IGF1R: variants seen among roughly 807,000 people sequenced by gnomAD.
IGF1R encodes the protein insulin-like growth factor 1 receptor.
A neutral mutation model predicts 144.6 loss-of-function variants in IGF1R; 44 were observed. That is an observed-to-expected ratio of 0.30 (90% CI 0.24 to 0.39). The LOEUF (loss-of-function observed/expected upper bound fraction) is 0.39, where lower values mean the gene tolerates loss of function less well. IGF1R is among the 10% of genes least tolerant of loss of function. The probability of loss-of-function intolerance (pLI) is 1.00; values close to 1 mark genes in which losing one functional copy is unlikely to be tolerated. For synonymous variants in IGF1R, 795 were observed against 722.8 expected (o/e 1.10, Z -1.60); for missense variants, 1,355 against 1,833.7 (o/e 0.74, Z 4.77).
In IGF1R at chr15:98,771,197, C is replaced by T. The variant is rs907617296; in HGVS notation, c.640+63090C>T. Among the ~76,000 whole-genome samples the T allele has an allele frequency of 3.9e-5, 6 of 152,298 alleles. No individual in the cohort carries two copies. In the South Asian group the frequency reaches 6.2e-4, roughly 16 times the overall value. ...ATTCATCCCTCCATCCAAGCACCCA[C>T]GTGGAGCTCAGAAAGATGACTAACA... is the stretch of plus-strand genomic sequence containing the variant. On this transcript the variant is annotated intron_variant, in intron 2 of 20. Transcript: ENST00000650285.
intron 2 of IGF1R, among the ~76,000 whole-genome samples, chr15:98,878,230 C>T (rs1315969559): frequency 2.6e-5 from 4 of 152,346 alleles, no homozygotes; most frequent in Non-Finnish European, 5.9e-5. Context: ...AAAACAGTCC[C>T]CAGTTTGTCC....
intron 2 of IGF1R, among the ~76,000 whole-genome samples, chr15:98,760,548 A>C (rs1460034791): frequency 1.3e-5 from 2 of 152,210 alleles, no homozygotes; most frequent in Non-Finnish European, 2.9e-5. Flanking sequence ...CATTTTGACC[A>C]TTTACATGGG....
intron 2 of IGF1R, among the ~76,000 whole-genome samples, chr15:98,754,336 T>C (rs1567111851): frequency 6.6e-6 from 1 of 152,226 alleles, no homozygotes; most frequent in Non-Finnish European, 1.5e-5. Flanking sequence ...TGCTTCCTTT[T>C]TGTCCTTTTC....
intron 2 of IGF1R, among the ~76,000 whole-genome samples, chr15:98,744,780 G>A (rs1260875051): frequency 6.7e-6 from 1 of 149,554 alleles, no homozygotes; most frequent in East Asian, 1.9e-4. Flanking sequence ...TTTTTCTTTT[G>A]GCGTTTGTGA....
intron 2 of IGF1R, among the ~76,000 whole-genome samples, chr15:98,882,637 A>G (rs942643856): frequency 4.6e-5 from 7 of 152,210 alleles, no homozygotes; most frequent in Non-Finnish European, 1.0e-4. Flanking sequence ...GTGTCACCTC[A>G]GAGGGATGGG....
chr15:98,925,660 T>C (rs1030279113), intron 13 of IGF1R, among the ~76,000 whole-genome samples: 1 of 152,226 alleles, frequency 6.6e-6, no homozygotes, highest in African/African-American at 2.4e-5. Context: ...CCCAACACTT[T>C]GGGAGGCCAA....
At chr15:98,721,607 C>G (rs1373876163) in intron 2 of IGF1R, among the ~76,000 whole-genome samples, 1 of 152,178 alleles carries the variant, frequency 6.6e-6, no homozygotes, top group South Asian at 2.1e-4. Flanking sequence ...GAGGTCTTCT[C>G]TCAGGGTAGT....
chr15:98,922,551 C>G (rs564032952), intron 11 of IGF1R, 120 bp downstream of exon 11: 43 of 1,204,098 alleles, frequency 3.6e-5, no homozygotes, highest in Non-Finnish European at 5.1e-5. Flanking sequence ...GGCCTGCCTG[C>G]TAAATAACGT....
intron 2 of IGF1R, among the ~76,000 whole-genome samples, chr15:98,837,139 G>A (rs1211371763): frequency 2.6e-5 from 4 of 152,140 alleles, no homozygotes; most frequent in Non-Finnish European, 5.9e-5. Flanking sequence ...TGCCCAGGCA[G>A]GGGAGTGCAG....
At chr15:98,913,411 C>T (rs1286656043) in intron 8 of IGF1R, 129 bp downstream of exon 8, 3 of 802,642 alleles carry the variant, frequency 3.7e-6, no homozygotes, top group African/African-American at 3.4e-5. Flanking sequence ...ATAGGTAATA[C>T]TGTGTCATAT....
chr15:98,707,031 T>C lies in IGF1R; in HGVS notation c.95-531T>C, dbSNP rs1234714307. On this transcript the variant is annotated intron_variant, in intron 1 of 20. Coordinates refer to ENST00000650285, the MANE Select transcript of IGF1R (RefSeq NM_000875.5). This position sits in a 1 kb window ranked among gnomAD's most constrained non-coding sequence, Gnocchi z 6.7. ...TTATGTCAAATGGTAGTGGGAAGCATGGAAGCATGCGTTTTTTAGTCCCCA... is the reference window on the plus strand; with the variant it reads ...TTATGTCAAATGGTAGTGGGAAGCACGGAAGCATGCGTTTTTTAGTCCCCA... Among the ~76,000 whole-genome samples, 1 of 152,128 alleles carries C rather than the reference T, an allele frequency of 6.6e-6. No individual in the cohort carries two copies. The highest frequency in any genetic ancestry group is 2.4e-5 in the African/African-American group (1 of 41,418).
intron 2 of IGF1R, among the ~76,000 whole-genome samples, chr15:98,793,598 ATGT>A (rs1177506882): frequency 1.3e-5 from 2 of 152,346 alleles, no homozygotes; most frequent in East Asian, 3.9e-4. Context: ...GACAGTTTAG[ATGT>A]TGTTATTTTG....
At chr15:98,682,791 C>T (rs1403839335) in intron 1 of IGF1R, among the ~76,000 whole-genome samples, 1 of 152,060 alleles carries the variant, frequency 6.6e-6, no homozygotes, top group Non-Finnish European at 1.5e-5. Context: ...GGTGATCCAC[C>T]CGCCTCTGCC....
chr15:98,675,486 G>A (rs750013005), intron 1 of IGF1R, among the ~76,000 whole-genome samples: 1 of 152,104 alleles, frequency 6.6e-6, no homozygotes, highest in African/African-American at 2.4e-5. Flanking sequence ...GCTTCCAGAA[G>A]CAGTGTCTGT....
chr15:98,680,326 G>T (rs2053157218), intron 1 of IGF1R, among the ~76,000 whole-genome samples: 1 of 151,802 alleles, frequency 6.6e-6, no homozygotes, highest in Non-Finnish European at 1.5e-5. Flanking sequence ...GAGTGCAGTG[G>T]TGCAGTCTCG....
chr15:98,893,823 C>T (rs1227951699), intron 3 of IGF1R, among the ~76,000 whole-genome samples: 1 of 152,214 alleles, frequency 6.6e-6, no homozygotes, highest in East Asian at 1.9e-4. Flanking sequence ...AAAAACTATA[C>T]ATCTACCTTT....
intron 2 of IGF1R, among the ~76,000 whole-genome samples, chr15:98,804,291 A>C (rs1416493304): frequency 6.6e-6 from 1 of 152,232 alleles, no homozygotes; most frequent in Non-Finnish European, 1.5e-5. Context: ...ATGTAGTTTT[A>C]GAATGCCATG....
At chr15:98,651,082 G>T (rs915957637) in intron 1 of IGF1R, 2 of 984,968 alleles carry the variant, frequency 2.0e-6, no homozygotes, top group East Asian at 2.3e-4. Flanking sequence ...GGGCGTGTTG[G>T]TGAGTAATGG....
At chr15:98,886,721 C>T (rs370793342) in intron 2 of IGF1R, among the ~76,000 whole-genome samples, 3 of 152,220 alleles carry the variant, frequency 2.0e-5, no homozygotes, top group African/African-American at 7.2e-5. Context: ...GACACACTGC[C>T]CGGGGCTTTT....
Sources: allele counts gnomAD v4.1 joint callset (sites outside exome capture counted in the v4.1 genomes callset), GRCh38; gene constraint gnomAD v4.1.1; non-coding constraint Gnocchi (gnomAD v3.1); transcripts MANE v1.5; gene names NCBI Gene and HGNC (gene_info 2026-07-23, HGNC 2026-07-21).